Variants in DEF6 observed in about 807,000 individuals in gnomAD.
DEF6 encodes DEF6 guanine nucleotide exchange factor, also known as differentially expressed in FDCP 6 homolog.
In DEF6, 32 loss-of-function variants were observed where a neutral mutation model predicts 80.5. That is an observed-to-expected ratio of 0.40 (90% CI 0.30 to 0.53). DEF6 has a LOEUF of 0.53. DEF6 is among the 20% of genes least tolerant of loss of function. The pLI is 0.57. For missense variants in DEF6, 575 were observed against 818.7 expected (o/e 0.70, Z 3.63); for synonymous variants, 300 against 337.9 (o/e 0.89, Z 1.23).
chr6:35,310,601 T>C lies in DEF6; in HGVS notation c.380T>C (p.Phe127Ser). 1 of 1,614,176 alleles carries C rather than the reference T, an allele frequency of 6.2e-7. No individual in the cohort carries two copies. Among genetic ancestry groups the C allele is most frequent in the Non-Finnish European group, 8.5e-7 (1 of 1,180,022 alleles). The change falls in exon 3 of 11, where the codon TTC becomes TCC. Residue 127 changes from phenylalanine to serine, a missense_variant. Transcript: ENST00000316637. ...DAFRLWCLFN[F>S]LSEDKYPLIM... ...TTCCGCCTCTGGTGCCTCTTCAACT[T>C]CCTGTCTGAGGACAAGTACCCTCTG...
intron 3 of DEF6, 65 bp downstream of exon 3, chr6:35,310,709 G>A (rs1304854809): frequency 6.4e-7 from 1 of 1,561,458 alleles, no homozygotes; most frequent in East Asian, 2.2e-5. Flanking sequence ...AACCATGAAT[G>A]AGACCAAACC....
Position 35,312,323 on chromosome 6 carries a change from G to T in DEF6, c.445G>T (p.Val149Leu). Residue 149 changes from valine (V) to leucine (L), a missense_variant, in exon 4 of 11, where the codon GTA (valine) becomes TTA (leucine). Physicochemically the swap from Val to Leu is conservative, Grantham distance 32. Transcript: ENST00000316637. The surrounding 1 kb of genome is among the most constrained non-coding windows in gnomAD (Gnocchi z 6.6). ...PDEVEYLLKK[V>L]LSSMSLEVSL... ...CCAGGTGGAATACCTGCTGAAAAAG[G>T]TACTCAGCAGCATGAGCTTGGAGGT... The T allele has an allele frequency of 6.2e-7, 1 of 1,614,082 alleles. No individual in the cohort carries two copies. The highest frequency in any genetic ancestry group is 8.5e-7 in the Non-Finnish European group (1 of 1,179,972).
chr6:35,318,244 C>G lies in DEF6; in HGVS notation c.988C>G (p.Arg330Gly). ...SLHKDLKQKR[R>G]EQREQRERRR... ...ACACAAGGACCTGAAGCAGAAACGGCGCGAGCAGCGGGAGCAGCGGGAGCG... is the reference window on the plus strand; with the variant it reads ...ACACAAGGACCTGAAGCAGAAACGGGGCGAGCAGCGGGAGCAGCGGGAGCG... The change falls in exon 7 of 11, where the codon CGC becomes GGC. Residue 330 changes from arginine (R) to glycine (G), a missense_variant. By Grantham distance (125) the Arg-to-Gly change is moderately radical. Coordinates refer to ENST00000316637, the MANE Select transcript of DEF6 (RefSeq NM_022047.4). This position sits in a 1 kb window ranked among gnomAD's most constrained non-coding sequence, Gnocchi z 5.1. The G allele has an allele frequency of 2.5e-6, 4 of 1,591,946 alleles. No individual in the cohort carries two copies. Among genetic ancestry groups the G allele is most frequent in the Non-Finnish European group, 3.4e-6 (4 of 1,170,356 alleles).
Position 35,321,447 on chromosome 6 carries a change from C to T in DEF6, c.*37C>T. 2 of 1,578,194 alleles carry T rather than the reference C, an allele frequency of 1.3e-6. No homozygotes were observed. Among genetic ancestry groups the T allele is most frequent in the Non-Finnish European group, 8.7e-7 (1 of 1,151,736 alleles). ...CCCTTGTTCTTCCCAATGTCATATC[C>T]ACCAGGACCTGGCCACAGCTGGCCT... On this transcript the variant is annotated 3_prime_UTR_variant, in exon 11 of 11. Transcript: ENST00000316637.
At chr6:35,305,578 ATGTG>A (rs1362161936) in intron 1 of DEF6, among the ~76,000 whole-genome samples, 1 of 150,780 alleles carries the variant, frequency 6.6e-6, no homozygotes, top group Non-Finnish European at 1.5e-5. Flanking sequence ...GTGTGTGTGT[ATGTG>A]TGTGTGTGAC....
intron 1 of DEF6, 67 bp downstream of exon 1, chr6:35,298,019 C>A: frequency 7.2e-7 from 1 of 1,381,148 alleles, no homozygotes; most frequent in Non-Finnish European, 1.0e-6. Flanking sequence ...CGCCTGGGAG[C>A]CAGGTGTGGA....
chr6:35,313,371 G>A, intron 5 of DEF6: 1 of 404,642 alleles, frequency 2.5e-6, no homozygotes, highest in Non-Finnish European at 4.8e-6. Flanking sequence ...ATATTTTCAG[G>A]GTACATGTGA....
At chr6:35,308,368 C>T (rs1359138980) in intron 1 of DEF6, among the ~76,000 whole-genome samples, 1 of 145,014 alleles carries the variant, frequency 6.9e-6, no homozygotes, top group East Asian at 1.9e-4. Context: ...TCTGTCTCTA[C>T]CGAAAAAAAA....
intron 1 of DEF6, among the ~76,000 whole-genome samples, chr6:35,304,276 G>C (rs1336740800): frequency 6.6e-6 from 1 of 152,194 alleles, no homozygotes; most frequent in East Asian, 1.9e-4. Flanking sequence ...AGCTGTGATT[G>C]TGCCACTACA....
chr6:35,298,978 G>A (rs555536356), intron 1 of DEF6, among the ~76,000 whole-genome samples: 1 of 152,270 alleles, frequency 6.6e-6, no homozygotes, highest in South Asian at 2.1e-4. Flanking sequence ...CGAGGTAGAG[G>A]GTGCTGGATA....
At chr6:35,308,214 T>A (rs1791415547) in intron 1 of DEF6, among the ~76,000 whole-genome samples, 1 of 152,142 alleles carries the variant, frequency 6.6e-6, no homozygotes, top group Non-Finnish European at 1.5e-5. Context: ...TATAGGTGAT[T>A]GTGAAGACTA....
In DEF6 at chr6:35,320,877, C is replaced by A; in HGVS notation, c.1582-7C>A. The A allele has an allele frequency of 6.2e-7, 1 of 1,604,326 alleles. No individual in the cohort carries two copies. The highest frequency in any genetic ancestry group is 2.3e-5 in the East Asian group (1 of 44,336). ...CTGATCACTCCCCACTGGCCCTGTC[C>A]CCACAGGCTGCCCAGAGAAAACTGC... is the stretch of plus-strand genomic sequence containing the variant. On this transcript the variant is annotated splice_polypyrimidine_tract_variant and splice_region_variant and intron_variant, in intron 9 of 10. Transcript: ENST00000316637.
chr6:35,312,461 C>T lies in DEF6; in HGVS notation c.583C>T (p.Arg195Trp), dbSNP rs543938116. Residue 195 changes from arginine (R) to tryptophan (W), a missense_variant, in exon 4 of 11, where the codon CGG (arginine) becomes TGG (tryptophan). By Grantham distance (101) the Arg-to-Trp change is moderately radical. Coordinates refer to ENST00000316637, the MANE Select transcript of DEF6 (RefSeq NM_022047.4). This position sits in a 1 kb window ranked among gnomAD's most constrained non-coding sequence, Gnocchi z 6.6. ...LELFNSGRCL[R>W]GVGRDTLSMA... Reference sequence around the variant, plus strand: ...GCTCTTCAATTCGGGCCGCTGCCTGCGGGGCGTGGGCCGGGACACCCTCAG... The same window carrying T: ...GCTCTTCAATTCGGGCCGCTGCCTGTGGGGCGTGGGCCGGGACACCCTCAG... 18 of 1,614,114 alleles carry T rather than the reference C, an allele frequency of 1.1e-5. No homozygotes were observed. Among genetic ancestry groups the T allele is most frequent in the South Asian group, 6.6e-5 (6 of 91,080 alleles).
chr6:35,321,574 C>A lies in DEF6; in HGVS notation c.*164C>A. On this transcript the variant is annotated 3_prime_UTR_variant, in exon 11 of 11. Transcript: ENST00000316637. The stretch of plus-strand genomic sequence containing the variant: ...AGTCCAGGATGGAACCTGGTTCACC[C>A]TTCATACCAGCTCCAAGCCCCAGAC... The A allele has an allele frequency of 1.6e-6, 1 of 609,300 alleles. No homozygotes were observed. 37.7% of individuals were successfully genotyped at this position (609,300 alleles called of 1,614,324 possible).
Position 35,321,253 on chromosome 6 carries a change from C to G in DEF6, c.1739C>G (p.Ser580Cys). The G allele has an allele frequency of 6.2e-7, 1 of 1,613,826 alleles. No individual in the cohort carries two copies. ...FQPPLLAHRD[S>C]SLKRLTRWGS... The stretch of plus-strand genomic sequence containing the variant: ...CCCCCTCTGCTTGCCCACCGTGACT[C>G]CTCCCTAAAGCGCCTGACCCGCTGG... Residue 580 changes from serine to cysteine, a missense_variant, in exon 11 of 11, where the codon TCC (serine) becomes TGC (cysteine). Coordinates refer to ENST00000316637, the MANE Select transcript of DEF6 (RefSeq NM_022047.4).
At chr6:35,315,131 G>A (rs1791510601) in intron 5 of DEF6, among the ~76,000 whole-genome samples, 1 of 152,154 alleles carries the variant, frequency 6.6e-6, no homozygotes, top group African/African-American at 2.4e-5. Context: ...TGGTCTTTGT[G>A]TCTCTTTTTA....
At position 35,312,934 on chromosome 6, in the gene DEF6, C is replaced by T. The variant is rs1791487454; in HGVS notation, c.807+162C>T. Among the ~76,000 whole-genome samples, 1 of 152,158 alleles carries T rather than the reference C, an allele frequency of 6.6e-6. No individual in the cohort carries two copies. Among genetic ancestry groups the T allele is most frequent in the Non-Finnish European group, 1.5e-5 (1 of 68,040 alleles). ...CCAAATATATCCGGATGCCTCAAGGCCATTCTCATCCACGTCAGCACTTAA... is the reference window on the plus strand; with the variant it reads ...CCAAATATATCCGGATGCCTCAAGGTCATTCTCATCCACGTCAGCACTTAA... On this transcript the variant is annotated intron_variant, in intron 5 of 10. Coordinates refer to ENST00000316637, the MANE Select transcript of DEF6 (RefSeq NM_022047.4). The surrounding 1 kb of genome is among the most constrained non-coding windows in gnomAD (Gnocchi z 6.6).
intron 5 of DEF6, among the ~76,000 whole-genome samples, chr6:35,315,227 G>T (rs1213912460): frequency 6.6e-6 from 1 of 151,968 alleles, no homozygotes; most frequent in Non-Finnish European, 1.5e-5. Flanking sequence ...TTTTTCTCTG[G>T]TGTCCAGGCT....
At chr6:35,300,385 C>T (rs771571064) in intron 1 of DEF6, among the ~76,000 whole-genome samples, 1 of 152,134 alleles carries the variant, frequency 6.6e-6, no homozygotes, top group Non-Finnish European at 1.5e-5. Flanking sequence ...AAGAGACCTG[C>T]ACTAGCCCAG....
Sources: allele counts gnomAD v4.1 joint callset (sites outside exome capture counted in the v4.1 genomes callset), GRCh38; gene constraint gnomAD v4.1.1; non-coding constraint Gnocchi (gnomAD v3.1); transcripts MANE v1.5; gene names NCBI Gene and HGNC (gene_info 2026-07-23, HGNC 2026-07-21).